SSH1: variants seen among roughly 807,000 people sequenced by gnomAD.
SSH1 encodes slingshot protein phosphatase 1.
In SSH1, 43 loss-of-function variants were observed where a neutral mutation model predicts 79.7. The ratio of observed to expected loss-of-function variants is 0.54; its 90% CI spans 0.42 to 0.70. The LOEUF is 0.70. SSH1 is among the 30% of genes least tolerant of loss of function. The pLI is 0.00. For synonymous variants in SSH1, 599 were observed against 538.3 expected (o/e 1.11, Z -1.56); for missense variants, 1,206 against 1,358.8 (o/e 0.89, Z 1.77).
intron 2 of SSH1, among the ~76,000 whole-genome samples, chr12:108,835,765 C>A (rs909573290): frequency 1.3e-5 from 2 of 151,228 alleles, no homozygotes; most frequent in Non-Finnish European, 2.9e-5. Flanking sequence ...AGGGAGGGGG[C>A]TGCAAGGGAG....
intron 11 of SSH1, among the ~76,000 whole-genome samples, chr12:108,801,434 A>G (rs948368231): frequency 1.2e-4 from 18 of 152,322 alleles, no homozygotes; most frequent in African/African-American, 4.3e-4. Context: ...AACTTAATCA[A>G]TACTTTTACT....
At chr12:108,827,661 A>C in intron 2 of SSH1, 1 of 882,620 alleles carries the variant, frequency 1.1e-6, no homozygotes, top group South Asian at 5.7e-5. Flanking sequence ...AGAAACAAGC[A>C]CCGGGGTGTG....
chr12:108,825,907 G>C (rs1260608902), intron 2 of SSH1, among the ~76,000 whole-genome samples: 1 of 152,108 alleles, frequency 6.6e-6, no homozygotes, highest in Non-Finnish European at 1.5e-5. Context: ...TCACAGCTGA[G>C]TATGTTTTCA....
chr12:108,819,019 G>A (rs1057024605), intron 3 of SSH1, among the ~76,000 whole-genome samples: 5 of 152,098 alleles, frequency 3.3e-5, no homozygotes, highest in Non-Finnish European at 7.4e-5. Flanking sequence ...CTCCCAAAGT[G>A]CTGGGATTAC....
At chr12:108,820,883 C>T (rs1186126675) in intron 3 of SSH1, among the ~76,000 whole-genome samples, 4 of 152,238 alleles carry the variant, frequency 2.6e-5, no homozygotes, top group African/African-American at 9.6e-5. Flanking sequence ...GCCTTCCGAC[C>T]TCATCGTCCA....
chr12:108,788,705 CT>C lies in SSH1; in HGVS notation c.2432del (p.Glu811GlyfsTer19). On this transcript the variant is annotated frameshift_variant, in exon 15 of 15. Coordinates refer to ENST00000326495, the MANE Select transcript of SSH1 (RefSeq NM_018984.4). LOFTEE classifies it low-confidence loss of function (END_TRUNC). The stretch of plus-strand genomic sequence containing the variant: ...CTGCCTTCTGCAGCTGAATGATGGA[CT>C]CCTGGTGCTGCATCAGGTAGCTGTT... ...TTNSYLMQHQ[E>X]SIIQLQKAGL... 1 of 1,614,246 alleles carries C rather than the reference CT, an allele frequency of 6.2e-7. No homozygotes were observed. Among genetic ancestry groups the C allele is most frequent in the Non-Finnish European group, 8.5e-7 (1 of 1,180,046 alleles).
chr12:108,791,927 G>A lies in SSH1; in HGVS notation c.1893+359C>T, dbSNP rs966005811. 1.5e-5 allele frequency: 20 copies of A among 1,309,088 alleles called. No homozygotes were observed. The Admixed American group carries it at 4.6e-4, about 30-fold the overall frequency. 81.1% of individuals were successfully genotyped at this position (1,309,088 alleles called of 1,614,324 possible). A position where few individuals can be genotyped will look rare whatever the true frequency, so the allele number is the denominator to read the frequency against. On this transcript the variant is annotated intron_variant, in intron 14 of 14. Coordinates refer to ENST00000326495, the MANE Select transcript of SSH1 (RefSeq NM_018984.4). Reference sequence around the variant, plus strand: ...CATATATCGATAAAGGCTGAAGTTGGCTGATAAATTATATGTTTTAATTTT... The same window carrying A: ...CATATATCGATAAAGGCTGAAGTTGACTGATAAATTATATGTTTTAATTTT...
chr12:108,822,737 A>G (rs901390077), intron 3 of SSH1, among the ~76,000 whole-genome samples: 1 of 152,172 alleles, frequency 6.6e-6, no homozygotes, highest in African/African-American at 2.4e-5. Context: ...TCACCCTATT[A>G]CTTCTGTCTA....
intron 14 of SSH1, 82 bp downstream of exon 14, chr12:108,792,204 C>CTACT (rs1308496779): frequency 1.2e-6 from 2 of 1,607,330 alleles, no homozygotes; most frequent in East Asian, 4.5e-5. Context: ...CCTGTAGTCC[C>CTACT]TACTACAGAG....
intron 9 of SSH1, among the ~76,000 whole-genome samples, chr12:108,805,930 C>G (rs1468263237): frequency 2.6e-5 from 4 of 151,856 alleles, no homozygotes; most frequent in Non-Finnish European, 4.4e-5. Context: ...CTGTCTCTTC[C>G]ATAAAACCCA....
intron 10 of SSH1, 124 bp from the exon 11 acceptor site, chr12:108,802,492 A>T: frequency 1.3e-6 from 1 of 794,872 alleles, no homozygotes; most frequent in Non-Finnish European, 2.2e-6. Context: ...TTGGCCTCAG[A>T]GAACAGAGAG....
Position 108,792,292 on chromosome 12 carries a change from G to A in SSH1, c.1887C>T (p.Gly629=). The change falls in exon 14 of 15, where the codon GGC becomes GGT. Residue 629 remains glycine, a synonymous_variant. Coordinates refer to ENST00000326495, the MANE Select transcript of SSH1 (RefSeq NM_018984.4). ...NNNSKRSCPN[G]MEDDAIFGIL... ...CAGGCCGGGCTCTGCCTACCTCCAT[G>A]CCGTTGGGACAGCTCCTCTTGCTGT... The A allele has an allele frequency of 1.2e-6, 2 of 1,614,184 alleles. No homozygotes were observed. The highest frequency in any genetic ancestry group is 2.2e-5 in the East Asian group (1 of 44,888).
chr12:108,803,258 T>C (rs1236633138), intron 10 of SSH1, among the ~76,000 whole-genome samples: 1 of 152,204 alleles, frequency 6.6e-6, no homozygotes, highest in African/African-American at 2.4e-5. Flanking sequence ...TTTAGATTTA[T>C]TTCTATTTTC....
At chr12:108,841,710 G>A (rs2038781604) in intron 2 of SSH1, among the ~76,000 whole-genome samples, 1 of 152,140 alleles carries the variant, frequency 6.6e-6, no homozygotes, top group Admixed American at 6.5e-5. Flanking sequence ...TCGGGAGGCT[G>A]AGGCAGGAGA....
rs1421089261 is a variant in SSH1, at chr12:108,787,932, A to G, written c.*56T>C. ...GGGGTCGATCCAAATCCACAGTGAA[A>G]GTGAGGGAGGGATCATATGAAAATA... On this transcript the variant is annotated 3_prime_UTR_variant, in exon 15 of 15. Coordinates refer to ENST00000326495, the MANE Select transcript of SSH1 (RefSeq NM_018984.4). 3.7e-6 allele frequency: 6 copies of G among 1,605,286 alleles called. No individual in the cohort carries two copies. In the African/African-American group the frequency reaches 4.0e-5, roughly 11 times the overall value.
At chr12:108,799,468 T>C (rs1593026716) in intron 12 of SSH1, among the ~76,000 whole-genome samples, 1 of 152,166 alleles carries the variant, frequency 6.6e-6, no homozygotes. Flanking sequence ...CATGTTTTGT[T>C]TGCAGGGAGA....
rs1302508147 is a variant in SSH1 at position 108,781,054 on chromosome 12, A to C, written c.*6934T>G. On this transcript the variant is annotated 3_prime_UTR_variant, in exon 15 of 15. Transcript: ENST00000326495. ...ACTCCATCTCAAAAGAAAAAAAAAAAAGAAGCATCCCACTAAACTTTTAAT... is the reference window on the plus strand; with the variant it reads ...ACTCCATCTCAAAAGAAAAAAAAAACAGAAGCATCCCACTAAACTTTTAAT... The C allele has an allele frequency of 6.6e-6, 1 of 151,944 alleles. No individual in the cohort carries two copies. Among genetic ancestry groups the C allele is most frequent in the Non-Finnish European group, 1.5e-5 (1 of 68,004 alleles). The allele number at this position is 151,944 out of a possible 1,614,324, so 9.4% of individuals were successfully genotyped here.
At chr12:108,819,111 G>A in intron 3 of SSH1, among the ~76,000 whole-genome samples, 1 of 152,292 alleles carries the variant, frequency 6.6e-6, no homozygotes, top group South Asian at 2.1e-4. Flanking sequence ...ATAACCGGGG[G>A]GGCGGGGGGA....
chr12:108,806,251 A>G lies in SSH1; in HGVS notation c.825+50T>C, dbSNP rs766703744. 6.5e-6 allele frequency: 10 copies of G among 1,545,520 alleles called. No individual in the cohort carries two copies. The Admixed American group carries it at 1.3e-4, about 21-fold the overall frequency. On this transcript the variant is annotated intron_variant, in intron 9 of 14. Transcript: ENST00000326495. ...TGCTGCACTTTCGGGAGCAGGACACATGGAGGCTGCATGACCTCTGACCTG... is the reference window on the plus strand; with the variant it reads ...TGCTGCACTTTCGGGAGCAGGACACGTGGAGGCTGCATGACCTCTGACCTG...
Sources: allele counts gnomAD v4.1 joint callset (sites outside exome capture counted in the v4.1 genomes callset), GRCh38; gene constraint gnomAD v4.1.1; transcripts MANE v1.5; gene names NCBI Gene and HGNC (gene_info 2026-07-23, HGNC 2026-07-21).